The following RNF213 variants were observed in gnomAD, a reference collection of about 807,000 sequenced individuals.
RNF213 encodes E3 ubiquitin-protein ligase RNF213.
In RNF213, 341 loss-of-function variants were observed where a neutral mutation model predicts 514.4. That is an observed-to-expected ratio of 0.66 (90% confidence interval 0.61 to 0.73). The LOEUF (loss-of-function observed/expected upper bound fraction) is 0.73. RNF213 is among the 30% of genes least tolerant of loss of function. The pLI, the probability that RNF213 is intolerant of heterozygous loss-of-function variation, is 0.00. For synonymous variants in RNF213, 2,655 were observed against 2,658.2 expected, an observed-to-expected ratio of 1.00 and a Z score of 0.04; for missense variants, 5,767 against 6,615.6, an observed-to-expected ratio of 0.87 and a Z score of 4.45.
chr17:80,390,922 C>A (rs565201623), intron 67 of RNF213, among the ~76,000 whole-genome samples: 47 of 152,140 alleles, frequency 3.1e-4, no homozygotes, highest in African/African-American at 1.1e-3. Flanking sequence ...ATTAGCCAGG[C>A]ATGGTGGTAC....
In RNF213 at chr17:80,347,582, C is replaced by T. The variant is rs1174832886; in HGVS notation, c.9247C>T (p.Leu3083Phe). 1.2e-6 allele frequency: 2 copies of T among 1,614,056 alleles called. No homozygotes were observed. Among genetic ancestry groups the T allele is most frequent in the African/African-American group, 2.7e-5 (2 of 74,932 alleles). Residue 3083 changes from leucine to phenylalanine, a missense_variant, in exon 29 of 68, where the codon CTC becomes TTC. Leu to Phe is a conservative substitution (Grantham distance 22). Around this residue, in one of 13 missense-constraint regions of RNF213, gnomAD observed 919 missense variants for 1,121.0 expected, o/e 0.82. Coordinates refer to ENST00000582970, the MANE Select transcript of RNF213 (RefSeq NM_001256071.3). This position sits in a 1 kb window ranked among gnomAD's most constrained non-coding sequence, Gnocchi z 7.2. ...GFPKDQEYTQ[L>F]CRNINRVKIC... is the part of the protein sequence containing the mutation. ...CCCCAAGGACCAAGAGTACACCCAG[C>T]TCTGCAGAAACATCAATCGTGTGAA...
At position 80,273,147 on chromosome 17, in the gene RNF213, ATC is replaced by A. The variant is rs1171555483; in HGVS notation, c.98-89_98-88del. 6 of 1,512,568 alleles carry A rather than the reference ATC, an allele frequency of 4.0e-6. No homozygotes were observed. In the African/African-American group the frequency reaches 8.2e-5, roughly 21 times the overall value. The allele number at this position is 1,512,568 out of a possible 1,614,324, so 93.7% of individuals were successfully genotyped here. A position where few individuals can be genotyped will look rare whatever the true frequency, so the allele number is the denominator to read the frequency against. ...GGACCTCGGAGGGAGAACAGGGTGA[ATC>A]TCTCCATGCACTCGTGGGGAGGATT... is the stretch of plus-strand genomic sequence containing the variant. On this transcript the variant is annotated intron_variant, in intron 2 of 67. Transcript: ENST00000582970.
chr17:80,384,840 C>T (rs2080169456), intron 59 of RNF213, 199 bp from the exon 60 acceptor site: 1 of 644,824 alleles, frequency 1.6e-6, no homozygotes, highest in East Asian at 2.8e-5. Context: ...CGCCGCCCTC[C>T]ATTTCTAGCA....
In RNF213 at chr17:80,346,939, C is replaced by T. The variant is rs1179556415; in HGVS notation, c.8604C>T (p.Cys2868=). ...TGCACCCGCTGCTGGAAGACGGATG[C>T]ATTGAAGACGATCCCGCCCCCCACA... ...KTLHPLLEDG[C]IEDDPAPHKK... The change falls in exon 29 of 68, where the codon TGC becomes TGT. Residue 2868 remains cysteine, a synonymous_variant. Coordinates refer to ENST00000582970, the MANE Select transcript of RNF213 (RefSeq NM_001256071.3). The surrounding 1 kb of genome is among the most constrained non-coding windows in gnomAD (Gnocchi z 8.1). The T allele has an allele frequency of 5.6e-6, 9 of 1,613,986 alleles. No individual in the cohort carries two copies. Among genetic ancestry groups the T allele is most frequent in the Non-Finnish European group, 7.6e-6 (9 of 1,179,960 alleles).
chr17:80,324,210 A>T (rs1191747748), intron 17 of RNF213, among the ~76,000 whole-genome samples: 1 of 152,202 alleles, frequency 6.6e-6, no homozygotes, highest in Non-Finnish European at 1.5e-5. Context: ...ACCAGGTGTG[A>T]TGTCAACGTG....
chr17:80,358,533 A>G, intron 37 of RNF213, 54 bp downstream of exon 37: 4 of 1,503,648 alleles, frequency 2.7e-6, no homozygotes, highest in Non-Finnish European at 1.8e-6. Context: ...ACACAGCAGG[A>G]CCCTAATATG....
chr17:80,268,553 C>G (rs923810204), intron 2 of RNF213, among the ~76,000 whole-genome samples: 4 of 151,986 alleles, frequency 2.6e-5, no homozygotes, highest in African/African-American at 7.2e-5. Context: ...GATTTCTCAG[C>G]CTCCATAGTC....
chr17:80,373,684 T>C (rs1337116158), intron 49 of RNF213, among the ~76,000 whole-genome samples: 1 of 152,058 alleles, frequency 6.6e-6, no homozygotes, highest in African/African-American at 2.4e-5. Flanking sequence ...GAACTAGGAA[T>C]AGAAGAATTG....
At chr17:80,281,543 TCACACACCCCCCAAGACAAACGC>T (rs1341271397) in intron 3 of RNF213, among the ~76,000 whole-genome samples, 9 of 22,678 alleles carry the variant, frequency 4.0e-4, no homozygotes, top group South Asian at 1.8e-3. Context: ...CTCATACCAC[TCACACACCCCCCAAGACAAACGC>T]CCCACTCACA....
chr17:80,291,948 C>A, intron 8 of RNF213, 121 bp downstream of exon 8: 1 of 1,021,572 alleles, frequency 9.8e-7, no homozygotes, highest in Non-Finnish European at 1.5e-6. Flanking sequence ...CCTCTTTGCT[C>A]TGCATTGACC....
At position 80,377,661 on chromosome 17, in the gene RNF213, A is replaced by G; in HGVS notation, c.13511-101A>G. On this transcript the variant is annotated intron_variant, in intron 53 of 67. Coordinates refer to ENST00000582970, the MANE Select transcript of RNF213 (RefSeq NM_001256071.3). This position sits in a 1 kb window ranked among gnomAD's most constrained non-coding sequence, Gnocchi z 4.1. Reference sequence around the variant, plus strand: ...GGATGCTCTGGACAGTCATTCTCATATTGTGGTCAGGGCCAGAGAGTAGAG... The same window carrying G: ...GGATGCTCTGGACAGTCATTCTCATGTTGTGGTCAGGGCCAGAGAGTAGAG... 7.8e-7 allele frequency: 1 copy of G among 1,275,082 alleles called. No homozygotes were observed. The highest frequency in any genetic ancestry group is 1.1e-6 in the Non-Finnish European group (1 of 870,612). 79.0% of individuals were successfully genotyped at this position (1,275,082 alleles called of 1,614,324 possible). A position where few individuals can be genotyped will look rare whatever the true frequency, so the allele number is the denominator to read the frequency against.
chr17:80,337,039 A>G (rs2078006536), intron 23 of RNF213: 1 of 163,768 alleles, frequency 6.1e-6, no homozygotes, highest in Non-Finnish European at 1.3e-5. Context: ...GGGTGGAGGA[A>G]GAAGTGACAT....
At chr17:80,370,347 T>C (rs926951578) in intron 46 of RNF213, among the ~76,000 whole-genome samples, 1 of 152,246 alleles carries the variant, frequency 6.6e-6, no homozygotes, top group Non-Finnish European at 1.5e-5. Flanking sequence ...GGATCTAATA[T>C]TGCAGTTCTC....
chr17:80,310,453 A>G (rs1294307206), intron 14 of RNF213, among the ~76,000 whole-genome samples: 2 of 151,586 alleles, frequency 1.3e-5, no homozygotes, highest in African/African-American at 4.8e-5. Flanking sequence ...GGGTTTCACC[A>G]TGTTGGCCAA....
At chr17:80,373,196 A>C in intron 49 of RNF213, 31 bp downstream of exon 49, 1 of 1,588,698 alleles carries the variant, frequency 6.3e-7, no homozygotes, top group Non-Finnish European at 8.5e-7. Context: ...GCACACAAAC[A>C]TGCACCCCCA....
At position 80,375,618 on chromosome 17, in the gene RNF213, G is replaced by A. The variant is rs143251320; in HGVS notation, c.13075-142G>A. On this transcript the variant is annotated intron_variant, in intron 50 of 67. Transcript: ENST00000582970. ...CTACTCGGGAGGCTGAGTTAGAATC[G>A]CTTGAACCCGAGAGGCAGAGGTTGC... 1.5e-5 allele frequency: 10 copies of A among 679,642 alleles called. No homozygotes were observed. In the East Asian group the frequency reaches 2.6e-4, roughly 18 times the overall value. 42.1% of individuals were successfully genotyped at this position (679,642 alleles called of 1,614,324 possible).
Position 80,334,102 on chromosome 17 carries a change from C to T in RNF213, c.4144-3C>T. Reference sequence around the variant, plus strand: ...CAGTCCACAGTAGAGCTTTTTCTTGCAGACTGATAACTTCGACGACTTTCG... The same window carrying T: ...CAGTCCACAGTAGAGCTTTTTCTTGTAGACTGATAACTTCGACGACTTTCG... On this transcript the variant is annotated splice_region_variant and splice_polypyrimidine_tract_variant and intron_variant, in intron 21 of 67. Coordinates refer to ENST00000582970, the MANE Select transcript of RNF213 (RefSeq NM_001256071.3). 1 of 1,537,196 alleles carries T rather than the reference C, an allele frequency of 6.5e-7. No individual in the cohort carries two copies. Among genetic ancestry groups the T allele is most frequent in the Non-Finnish European group, 8.7e-7 (1 of 1,146,870 alleles).
chr17:80,265,034 A>G (rs1246387978), intron 2 of RNF213, among the ~76,000 whole-genome samples: 5 of 69,140 alleles, frequency 7.2e-5, no homozygotes, highest in East Asian at 5.0e-4. Context: ...CAGTCCTTCC[A>G]TGTTTGTTTG....
At chr17:80,341,839 C>G (rs1306905160) in intron 26 of RNF213, 1 of 152,296 alleles carries the variant, frequency 6.6e-6, no homozygotes, top group Non-Finnish European at 1.5e-5. Flanking sequence ...TGGAGTCTCA[C>G]TCTGTTGCCC....
Sources: gnomAD v4.1 joint callset for allele counts (sites outside exome capture counted in the v4.1 genomes callset) on GRCh38, gnomAD v4.1.1 for gene constraint, gnomAD v4.1.1 regional missense constraint, Gnocchi (gnomAD v3.1) non-coding constraint, MANE v1.5 for transcripts, NCBI Gene and HGNC (gene_info 2026-07-23, HGNC 2026-07-21) for gene names.